Variants in TOX observed in about 807,000 individuals in gnomAD.
The protein encoded by TOX is thymocyte selection-associated high mobility group box protein TOX.
In TOX, 11 loss-of-function variants were observed where a neutral mutation model predicts 53.7. The ratio of observed to expected loss-of-function variants is 0.20; its 90% CI spans 0.13 to 0.34. The LOEUF is 0.34. TOX is among the 10% of genes least tolerant of loss of function. The probability of loss-of-function intolerance (pLI) is 1.00; values close to 1 mark genes in which losing one functional copy is unlikely to be tolerated. For synonymous variants in TOX, 225 were observed against 245.3 expected, an observed-to-expected ratio of 0.92 and a Z score of 0.77; for missense variants, 570 against 664.6, an observed-to-expected ratio of 0.86 and a Z score of 1.56.
chr8:59,089,121 C>T (rs73256364), intron 1 of TOX, among the ~76,000 whole-genome samples: 1,744 of 152,296 alleles, frequency 0.011, 48 homozygotes, highest in African/African-American at 0.04. Context: ...GAAAGGCACG[C>T]TAACAGAGCT....
chr8:58,981,721 C>A (rs1441921796), intron 1 of TOX, among the ~76,000 whole-genome samples: 1 of 152,134 alleles, frequency 6.6e-6, no homozygotes, highest in African/African-American at 2.4e-5. Context: ...AAAAGTCCAC[C>A]CGAACAAACT....
chr8:58,847,673 G>A (rs772798013), intron 4 of TOX, among the ~76,000 whole-genome samples: 9 of 151,880 alleles, frequency 5.9e-5, no homozygotes, highest in Non-Finnish European at 1.2e-4. Context: ...GATTACAATC[G>A]GAATGCATGC....
intron 3 of TOX, among the ~76,000 whole-genome samples, chr8:58,929,456 G>A (rs1349210027): frequency 1.3e-5 from 2 of 151,706 alleles, no homozygotes; most frequent in African/African-American, 2.4e-5. Flanking sequence ...GCTTGTCCAC[G>A]TAAGAGATCT....
chr8:58,897,716 C>A (rs1811675831), intron 3 of TOX, among the ~76,000 whole-genome samples: 2 of 83,048 alleles, frequency 2.4e-5, no homozygotes, highest in African/African-American at 5.3e-5. Context: ...TTTTTTTTAA[C>A]ACATCCTACA....
chr8:59,022,370 G>A (rs1040756395), intron 1 of TOX, among the ~76,000 whole-genome samples: 1 of 152,102 alleles, frequency 6.6e-6, no homozygotes, highest in South Asian at 2.1e-4. Flanking sequence ...TTCTATGTGA[G>A]AGCTTTATGT....
chr8:59,033,054 A>C (rs937844652), intron 1 of TOX, among the ~76,000 whole-genome samples: 2 of 152,042 alleles, frequency 1.3e-5, no homozygotes, highest in African/African-American at 4.8e-5. Context: ...AAAGAAAAGA[A>C]AAGAAAACAA....
At chr8:58,998,536 T>TAAATTTATATGTA (rs11272464) in intron 1 of TOX, among the ~76,000 whole-genome samples, 9 of 37,746 alleles carry the variant, frequency 2.4e-4, no homozygotes, top group African/African-American at 1.1e-3. Flanking sequence ...TATATATATA[T>TAAATTTATATGTA]ATAAATTTAT....
At chr8:58,890,936 A>G (rs1431074464) in intron 3 of TOX, among the ~76,000 whole-genome samples, 2 of 152,090 alleles carry the variant, frequency 1.3e-5, no homozygotes, top group Non-Finnish European at 2.9e-5. Flanking sequence ...GATGTCATAG[A>G]GCCAGAATCA....
intron 3 of TOX, among the ~76,000 whole-genome samples, chr8:58,895,102 C>T (rs916676176): frequency 4.0e-4 from 61 of 152,074 alleles, no homozygotes; most frequent in Non-Finnish European, 6.9e-4. Context: ...GCAGGGGAAT[C>T]GCTTCAACCG....
chr8:58,890,313 G>A (rs1244590100), intron 3 of TOX, among the ~76,000 whole-genome samples: 1 of 152,108 alleles, frequency 6.6e-6, no homozygotes, highest in Non-Finnish European at 1.5e-5. Context: ...AGGGATACAC[G>A]TTACAAGAGC....
chr8:59,084,448 A>G (rs1309031142), intron 1 of TOX, among the ~76,000 whole-genome samples: 1 of 152,158 alleles, frequency 6.6e-6, no homozygotes, highest in Non-Finnish European at 1.5e-5. Flanking sequence ...ATAAAAATAC[A>G]CCTATCCATG....
At position 58,805,443 on chromosome 8, in the gene TOX, G is replaced by A. The variant is rs776174997; in HGVS notation, c.*2304C>T. The A allele has an allele frequency of 3.9e-5, 6 of 152,280 alleles. No homozygotes were observed. The highest frequency in any genetic ancestry group is 5.9e-5 in the Non-Finnish European group (4 of 68,024). 9.4% of individuals were successfully genotyped at this position (152,280 alleles called of 1,614,324 possible). A position where few individuals can be genotyped will look rare whatever the true frequency, so the allele number is the denominator to read the frequency against. The stretch of plus-strand genomic sequence containing the variant: ...CACGCATAATAACAGTTTTATTGAT[G>A]ATGTGTTTTCTTTTATTTACATTTG... On this transcript the variant is annotated 3_prime_UTR_variant, in exon 9 of 9. Transcript: ENST00000361421.
At chr8:59,053,597 T>G (rs1210228590) in intron 1 of TOX, among the ~76,000 whole-genome samples, 3 of 152,232 alleles carry the variant, frequency 2.0e-5, no homozygotes, top group Admixed American at 6.5e-5. Context: ...TTTCTTTAAG[T>G]GTCATGTATT....
chr8:59,112,368 A>T (rs1409182132), intron 1 of TOX, among the ~76,000 whole-genome samples: 1 of 152,236 alleles, frequency 6.6e-6, no homozygotes, highest in Non-Finnish European at 1.5e-5. Context: ...TAAGCAGTTT[A>T]TAACTCAACT....
intron 1 of TOX, among the ~76,000 whole-genome samples, chr8:59,058,796 G>A (rs1803929046): frequency 6.6e-6 from 1 of 152,168 alleles, no homozygotes; most frequent in African/African-American, 2.4e-5. Context: ...TCCAGCAAGA[G>A]CCTCCTAGAC....
chr8:58,851,684 T>G lies in TOX; in HGVS notation c.533A>C (p.Gln178Pro). Residue 178 changes from glutamine to proline, a missense_variant, in exon 4 of 9, where the codon CAG (glutamine) becomes CCG (proline). Physicochemically the swap from Gln to Pro is moderately conservative, Grantham distance 76. Transcript: ENST00000361421. The surrounding 1 kb of genome is among the most constrained non-coding windows in gnomAD (Gnocchi z 4.4). Reference sequence around the variant, plus strand: ...CTGTGACTGGTTAATGGTAGTCAGCTGGCCATGTGGCATCATTCCTGGCTG... The same window carrying G: ...CTGTGACTGGTTAATGGTAGTCAGCGGGCCATGTGGCATCATTCCTGGCTG... ...RQQPGMMPHG[Q>P]LTTINQSQLS... 6.2e-7 allele frequency: 1 copy of G among 1,613,746 alleles called. No homozygotes were observed.
At chr8:58,911,927 C>T (rs1811916051) in intron 3 of TOX, among the ~76,000 whole-genome samples, 1 of 152,192 alleles carries the variant, frequency 6.6e-6, no homozygotes. Context: ...GTCTCGAACT[C>T]CTAACCTCAG....
At chr8:58,912,251 G>C (rs898972910) in intron 3 of TOX, among the ~76,000 whole-genome samples, 3 of 152,124 alleles carry the variant, frequency 2.0e-5, no homozygotes, top group Non-Finnish European at 2.9e-5. Flanking sequence ...TTTAAATCAG[G>C]TTTTCAGATA....
intron 1 of TOX, among the ~76,000 whole-genome samples, chr8:59,031,442 C>A (rs1344418091): frequency 6.6e-6 from 1 of 152,160 alleles, no homozygotes; most frequent in Admixed American, 6.5e-5. Flanking sequence ...TAACTGAGCA[C>A]ACGCTATGTT....
Sources: allele counts gnomAD v4.1 joint callset (sites outside exome capture counted in the v4.1 genomes callset), GRCh38; gene constraint gnomAD v4.1.1; non-coding constraint Gnocchi (gnomAD v3.1); transcripts MANE v1.5; gene names NCBI Gene and HGNC (gene_info 2026-07-23, HGNC 2026-07-21).